The following SBNO2 variants were observed in gnomAD, a reference collection of about 807,000 sequenced individuals.
The protein encoded by SBNO2 is protein strawberry notch homolog 2.
SBNO2 carries 89 observed loss-of-function variants against 146.3 expected under a neutral mutation model. The ratio of observed to expected loss-of-function variants is 0.61; its 90% CI spans 0.51 to 0.73. The LOEUF (loss-of-function observed/expected upper bound fraction) is 0.73. Ranked by LOEUF, SBNO2 falls within the 30% of genes least tolerant of loss-of-function variation. The pLI is 0.00. For synonymous variants in SBNO2, 1,147 were observed against 892.6 expected (o/e 1.29, Z -5.08); for missense variants, 2,092 against 2,003.7 (o/e 1.04, Z -0.84).
intron 4 of SBNO2, among the ~76,000 whole-genome samples, chr19:1,145,141 CA>C: frequency 6.6e-6 from 1 of 150,614 alleles, no homozygotes; most frequent in South Asian, 2.1e-4. Flanking sequence ...AGACTAGGAG[CA>C]GGGGGAAGAG....
intron 1 of SBNO2, among the ~76,000 whole-genome samples, 153 bp from the exon 2 acceptor site, chr19:1,154,555 C>T (rs951818716): frequency 2.0e-5 from 3 of 152,182 alleles, no homozygotes; most frequent in Admixed American, 6.5e-5. Flanking sequence ...TTCCCCTCCC[C>T]ACTCACCCCC....
intron 1 of SBNO2, among the ~76,000 whole-genome samples, chr19:1,171,395 G>GAT (rs1179516082): frequency 1.3e-5 from 2 of 152,180 alleles, no homozygotes; most frequent in African/African-American, 4.8e-5. Flanking sequence ...GCAACATACA[G>GAT]ATACACAAAG....
At chr19:1,166,635 ACACAC>A (rs1451457707) in intron 1 of SBNO2, among the ~76,000 whole-genome samples, 6 of 152,012 alleles carry the variant, frequency 3.9e-5, no homozygotes, top group Non-Finnish European at 8.8e-5. Flanking sequence ...ACACACACAC[ACACAC>A]ACACACACAC....
intron 23 of SBNO2, 41 bp downstream of exon 23, chr19:1,111,955 T>G: frequency 3.0e-4 from 248 of 836,784 alleles, no homozygotes; most frequent in Non-Finnish European, 4.2e-4. Flanking sequence ...CCTAGACCCC[T>G]GCCCCTGCCC....
chr19:1,139,428 T>G (rs900957248), intron 4 of SBNO2, among the ~76,000 whole-genome samples: 1 of 152,132 alleles, frequency 6.6e-6, no homozygotes, highest in East Asian at 1.9e-4. Context: ...TGAACAGCTC[T>G]GGACTTTGTA....
chr19:1,118,884 A>C lies in SBNO2; in HGVS notation c.1527+127T>G, dbSNP rs113897885. On this transcript the variant is annotated intron_variant, in intron 14 of 31. Transcript: ENST00000361757. ...GAGACTGTCTCAAAAAAACAACAAAAAAAAAACCCCAGGACAGGACAGGGC... is the reference window on the plus strand; with the variant it reads ...GAGACTGTCTCAAAAAAACAACAAACAAAAAACCCCAGGACAGGACAGGGC... 0.01 allele frequency: 10,503 copies of C among 1,020,440 alleles called. 807 individuals are homozygous for C. In the African/African-American group the frequency reaches 0.16, roughly 15 times the overall value. The allele number at this position is 1,020,440 out of a possible 1,614,324, so 63.2% of individuals were successfully genotyped here. A position where few individuals can be genotyped will look rare whatever the true frequency, so the allele number is the denominator to read the frequency against.
In SBNO2 at chr19:1,113,646, C is replaced by T. The variant is rs1309710386; in HGVS notation, c.2136G>A (p.Glu712=). The T allele has an allele frequency of 3.8e-6, 6 of 1,598,216 alleles. No homozygotes were observed. The highest frequency in any genetic ancestry group is 5.1e-6 in the Non-Finnish European group (6 of 1,173,716). Residue 712 remains glutamate, a synonymous_variant, in exon 19 of 32, where the codon GAG becomes GAA. Transcript: ENST00000361757. ...TGTCCAGCAGATCCTGCTTCAGCCG[C>T]TCCACCCGCTCCAGGACCCCGGGGC... is the stretch of plus-strand genomic sequence containing the variant. ...PHGPGVLERV[E]RLKQDLLDKV...
rs945883721 is a variant in SBNO2 at position 1,136,864 on chromosome 19, A to T, written c.280-9099T>A. 6.6e-6 allele frequency among the ~76,000 whole-genome samples: 1 copy of T among 151,858 alleles called. No individual in the cohort carries two copies. The highest frequency in any genetic ancestry group is 6.6e-5 in the Admixed American group (1 of 15,260). ...GAAGCCCCCGGGCTGCCAGGCAGAG[A>T]GTGTTGTTACCGGACAGCTGCGTTC... On this transcript the variant is annotated intron_variant, in intron 4 of 31. Transcript: ENST00000361757. This position sits in a 1 kb window ranked among gnomAD's most constrained non-coding sequence, Gnocchi z 4.2.
intron 1 of SBNO2, among the ~76,000 whole-genome samples, chr19:1,166,454 C>T (rs947371018): frequency 9.9e-5 from 15 of 152,148 alleles, no homozygotes; most frequent in African/African-American, 3.4e-4. Flanking sequence ...AGCTTCCACG[C>T]GGCTTCTGCT....
rs927246290 is a variant in SBNO2, at chr19:1,126,109, C to T, written c.441+1495G>A. Among the ~76,000 whole-genome samples, 10 of 152,192 alleles carry T rather than the reference C, an allele frequency of 6.6e-5. No individual in the cohort carries two copies. Among genetic ancestry groups the T allele is most frequent in the South Asian group, 4.1e-4 (2 of 4,832 alleles). ...CGCCCAAGCCTGCCTGAGCCCGGGC[C>T]GGGTTCTCGGCAGTGTGTGGGAGCC... On this transcript the variant is annotated intron_variant, in intron 5 of 31. Transcript: ENST00000361757. The surrounding 1 kb of genome is among the most constrained non-coding windows in gnomAD (Gnocchi z 4.4).
Position 1,112,893 on chromosome 19 carries a change from C to T in SBNO2, c.2304G>A (p.Glu768=). ...VSRPDGTVAF[E]SRAEQGLSID... ...TGGACAGACCCTGCTCTGCCCGCGACTCGAAGGCCACCGTCCCGTCGGGCC... is the reference window on the plus strand; with the variant it reads ...TGGACAGACCCTGCTCTGCCCGCGATTCGAAGGCCACCGTCCCGTCGGGCC... The change falls in exon 20 of 32, where the codon GAG becomes GAA. Residue 768 remains glutamate (E), a synonymous_variant. Transcript: ENST00000361757. This position sits in a 1 kb window ranked among gnomAD's most constrained non-coding sequence, Gnocchi z 5.9. The T allele has an allele frequency of 6.4e-7, 1 of 1,571,920 alleles. No individual in the cohort carries two copies. Among genetic ancestry groups the T allele is most frequent in the Middle Eastern group, 1.7e-4 (1 of 6,024 alleles).
Position 1,110,969 on chromosome 19 carries a change from CATGAG to C in SBNO2, c.2884+45_2884+49del. Reference sequence around the variant, plus strand: ...TGCTCACCACCCGAGGCCAAGGTTGCATGAGATGAGAGACAGGAGCGCCTCTGGGC... The same window carrying C: ...TGCTCACCACCCGAGGCCAAGGTTGCATGAGAGACAGGAGCGCCTCTGGGC... On this transcript the variant is annotated intron_variant, in intron 25 of 31. Coordinates refer to ENST00000361757, the MANE Select transcript of SBNO2 (RefSeq NM_014963.3). This position sits in a 1 kb window ranked among gnomAD's most constrained non-coding sequence, Gnocchi z 4.9. 6.2e-7 allele frequency: 1 copy of C among 1,609,988 alleles called. No individual in the cohort carries two copies. Among genetic ancestry groups the C allele is most frequent in the African/African-American group, 1.3e-5 (1 of 74,954 alleles).
intron 4 of SBNO2, among the ~76,000 whole-genome samples, chr19:1,142,475 T>A (rs1161681910): frequency 6.6e-6 from 1 of 152,148 alleles, no homozygotes; most frequent in Non-Finnish European, 1.5e-5. Context: ...AGGTCAGGAG[T>A]TCGAGACCAG....
intron 1 of SBNO2, among the ~76,000 whole-genome samples, chr19:1,166,231 A>ACCCCAGATCCCAGACTTTAGAT (rs144460199): frequency 1.3e-5 from 1 of 76,534 alleles, no homozygotes; most frequent in South Asian, 4.1e-4. Context: ...GAGATTCCAG[A>ACCCCAGATCCCAGACTTTAGAT]CCCCAGATCC....
rs974106695 is a variant in SBNO2 at position 1,136,081 on chromosome 19, GAC to G, written c.280-8318_280-8317del. ...GTGCCTGGTGTCCTCATTCGAAGGAGACACAGTCCCGGGGAGGAGGCCACGGG... is the reference window on the plus strand; with the variant it reads ...GTGCCTGGTGTCCTCATTCGAAGGAGACAGTCCCGGGGAGGAGGCCACGGG... On this transcript the variant is annotated intron_variant, in intron 4 of 31. Coordinates refer to ENST00000361757, the MANE Select transcript of SBNO2 (RefSeq NM_014963.3). The surrounding 1 kb of genome is among the most constrained non-coding windows in gnomAD (Gnocchi z 4.2). Among the ~76,000 whole-genome samples the G allele has an allele frequency of 6.6e-6, 1 of 152,158 alleles. No homozygotes were observed. Among genetic ancestry groups the G allele is most frequent in the African/African-American group, 2.4e-5 (1 of 41,452 alleles).
At chr19:1,138,860 TG>T (rs1239344621) in intron 4 of SBNO2, among the ~76,000 whole-genome samples, 2 of 147,340 alleles carry the variant, frequency 1.4e-5, no homozygotes, top group African/African-American at 5.1e-5. Context: ...ACAGACACAG[TG>T]GGGCCCTCCA....
In SBNO2 at chr19:1,108,578, G is replaced by A. The variant is rs1334692076; in HGVS notation, c.3743C>T (p.Ala1248Val). 6 of 1,191,662 alleles carry A rather than the reference G, an allele frequency of 5.0e-6. No individual in the cohort carries two copies. Among genetic ancestry groups the A allele is most frequent in the Middle Eastern group, 3.3e-4 (1 of 3,018 alleles). The allele number at this position is 1,191,662 out of a possible 1,614,324, so 73.8% of individuals were successfully genotyped here. A position where few individuals can be genotyped will look rare whatever the true frequency, so the allele number is the denominator to read the frequency against. ...CACCTCTCCGGGGCCGCAAGGCAGC[G>A]CCAGCGGGCGCGGGGCGGGCGGGGC... is the stretch of plus-strand genomic sequence containing the variant. ...CPAPPAPRPL[A>V]LPCGPGEVLD... The change falls in exon 32 of 32, where the codon GCG becomes GTG. Residue 1248 changes from alanine to valine, a missense_variant. By Grantham distance (64) the Ala-to-Val change is moderately conservative. Transcript: ENST00000361757.
At chr19:1,130,096 C>G (rs1377671556) in intron 4 of SBNO2, among the ~76,000 whole-genome samples, 1 of 152,168 alleles carries the variant, frequency 6.6e-6, no homozygotes, top group Non-Finnish European at 1.5e-5. Flanking sequence ...ACCATCACAG[C>G]CCAGAGGGGC....
intron 1 of SBNO2, among the ~76,000 whole-genome samples, chr19:1,160,784 C>A (rs2080336117): frequency 6.6e-6 from 1 of 152,132 alleles, no homozygotes; most frequent in South Asian, 2.1e-4. Context: ...CCCGCCTCGG[C>A]CTCCCAAAGT....
Sources: gnomAD v4.1 joint callset for allele counts (sites outside exome capture counted in the v4.1 genomes callset) on GRCh38, gnomAD v4.1.1 for gene constraint, Gnocchi (gnomAD v3.1) non-coding constraint, MANE v1.5 for transcripts, NCBI Gene and HGNC (gene_info 2026-07-23, HGNC 2026-07-21) for gene names.